THSD4: variants seen among roughly 807,000 people sequenced by gnomAD.
THSD4 encodes thrombospondin type 1 domain containing 4.
A neutral mutation model predicts 119.0 loss-of-function variants in THSD4; 69 were observed. The ratio of observed to expected loss-of-function variants is 0.58; its 90% confidence interval spans 0.48 to 0.71. The LOEUF is 0.71. Among genes scored for constraint, THSD4 ranks in the 30% least tolerant of loss-of-function variants. The pLI is 0.00. For synonymous variants in THSD4, 524 were observed against 540.4 expected, an observed-to-expected ratio of 0.97 and a Z score of 0.42; for missense variants, 1,393 against 1,391.1, an observed-to-expected ratio of 1.00 and a Z score of -0.02.
chr15:71,471,250 G>A (rs2047574983), intron 7 of THSD4, among the ~76,000 whole-genome samples: 1 of 152,120 alleles, frequency 6.6e-6, no homozygotes, highest in African/African-American at 2.4e-5. Flanking sequence ...CCCTCTGCAT[G>A]CTAAGGTTCA....
chr15:71,568,448 G>C (rs763089528), intron 7 of THSD4, among the ~76,000 whole-genome samples: 1 of 151,954 alleles, frequency 6.6e-6, no homozygotes, highest in Non-Finnish European at 1.5e-5. Context: ...CCATGATTCT[G>C]TTTTGCTGAA....
chr15:71,405,205 A>G (rs141788729), intron 6 of THSD4, among the ~76,000 whole-genome samples: 111 of 152,338 alleles, frequency 7.3e-4, no homozygotes, highest in Middle Eastern at 3.4e-3. Context: ...GTTGTTTATA[A>G]ATGACATAAT....
intron 14 of THSD4, 102 bp downstream of exon 14, chr15:71,748,696 C>G: frequency 7.0e-7 from 1 of 1,425,726 alleles, no homozygotes; most frequent in Non-Finnish European, 9.4e-7. Context: ...AGACTGATTT[C>G]TGGCTCTGGG....
intron 7 of THSD4, among the ~76,000 whole-genome samples, chr15:71,524,084 T>C (rs371554065): frequency 5.9e-5 from 9 of 152,270 alleles, no homozygotes; most frequent in African/African-American, 2.2e-4. Flanking sequence ...GAACAAGTGG[T>C]CCACACACCT....
intron 6 of THSD4, among the ~76,000 whole-genome samples, chr15:71,337,002 CAGAG>C (rs1208161733): frequency 1.3e-5 from 2 of 152,054 alleles, no homozygotes; most frequent in East Asian, 1.9e-4. Flanking sequence ...TGGGCTAAAT[CAGAG>C]AGAGAGGGGA....
intron 7 of THSD4, among the ~76,000 whole-genome samples, chr15:71,503,406 C>G (rs1339158829): frequency 6.6e-6 from 1 of 152,118 alleles, no homozygotes; most frequent in Non-Finnish European, 1.5e-5. Flanking sequence ...TCCATCCTGG[C>G]TCAAGTCCAC....
chr15:71,689,908 CTT>C (rs1320885928), intron 8 of THSD4, among the ~76,000 whole-genome samples: 1 of 152,180 alleles, frequency 6.6e-6, no homozygotes, highest in Non-Finnish European at 1.5e-5. Context: ...TTAGAGCTGA[CTT>C]TTTCATGAGG....
chr15:71,428,822 A>G (rs1370392180), intron 7 of THSD4, among the ~76,000 whole-genome samples: 1 of 152,208 alleles, frequency 6.6e-6, no homozygotes, highest in African/African-American at 2.4e-5. Context: ...ATTTTTCTAC[A>G]TCTACAAGCC....
At chr15:71,443,824 T>G (rs2140564177) in intron 7 of THSD4, among the ~76,000 whole-genome samples, 1 of 152,370 alleles carries the variant, frequency 6.6e-6, no homozygotes, top group South Asian at 2.1e-4. Flanking sequence ...AAATAGAATT[T>G]CAAAACTAAA....
intron 7 of THSD4, among the ~76,000 whole-genome samples, chr15:71,471,728 T>TG (rs1467517071): frequency 6.6e-6 from 1 of 151,082 alleles, no homozygotes; most frequent in Non-Finnish European, 1.5e-5. Flanking sequence ...ATCTATCAAG[T>TG]GGGGGTCATA....
At chr15:71,670,033 C>T (rs1384648436) in intron 8 of THSD4, among the ~76,000 whole-genome samples, 4 of 152,218 alleles carry the variant, frequency 2.6e-5, no homozygotes, top group African/African-American at 4.8e-5. Flanking sequence ...GGCTTCTCTT[C>T]AGCTCCACTG....
chr15:71,408,293 T>C (rs751595411), intron 6 of THSD4, among the ~76,000 whole-genome samples: 1 of 152,166 alleles, frequency 6.6e-6, no homozygotes, highest in Non-Finnish European at 1.5e-5. Context: ...AGTGCAGTCG[T>C]ACAGTCACAA....
At chr15:71,140,643 C>T (rs915063751) in intron 1 of THSD4, among the ~76,000 whole-genome samples, 3 of 152,218 alleles carry the variant, frequency 2.0e-5, no homozygotes, top group Non-Finnish European at 4.4e-5. Context: ...TGCGTTCCCT[C>T]ATTTAATCTT....
At chr15:71,727,209 G>A (rs895850808) in intron 8 of THSD4, among the ~76,000 whole-genome samples, 7 of 151,992 alleles carry the variant, frequency 4.6e-5, no homozygotes, top group African/African-American at 1.7e-4. Context: ...TATAACATCT[G>A]CTGTGCAATG....
At position 71,202,884 on chromosome 15, in the gene THSD4, C is replaced by T. The variant is rs953302158; in HGVS notation, c.100-12151C>T. Among the ~76,000 whole-genome samples, 3 of 152,174 alleles carry T rather than the reference C, an allele frequency of 2.0e-5. No homozygotes were observed. The East Asian group carries it at 5.8e-4, about 29-fold the overall frequency. Reference sequence around the variant, plus strand: ...CAGCAGCGTAACCTTCAGCAGATTGCATCAGCCAGGTGACAGACTCTCTGT... The same window carrying T: ...CAGCAGCGTAACCTTCAGCAGATTGTATCAGCCAGGTGACAGACTCTCTGT... On this transcript the variant is annotated intron_variant, in intron 3 of 17. Coordinates refer to ENST00000261862, the MANE Select transcript of THSD4 (RefSeq NM_024817.3).
chr15:71,574,346 A>G (rs957115512), intron 7 of THSD4, among the ~76,000 whole-genome samples: 5 of 152,216 alleles, frequency 3.3e-5, no homozygotes, highest in Admixed American at 2.0e-4. Context: ...GACAAGCAAA[A>G]TGAGGCTTGG....
intron 3 of THSD4, among the ~76,000 whole-genome samples, chr15:71,203,755 G>A (rs1449105012): frequency 1.3e-5 from 2 of 152,224 alleles, no homozygotes; most frequent in African/African-American, 4.8e-5. Context: ...CAATCCATTT[G>A]CAGCCTCTTT....
chr15:71,544,847 A>G (rs888883113), intron 7 of THSD4, among the ~76,000 whole-genome samples: 1 of 152,246 alleles, frequency 6.6e-6, no homozygotes, highest in Non-Finnish European at 1.5e-5. Context: ...AAGTTTTGAT[A>G]CCTGTTACAG....
intron 1 of THSD4, among the ~76,000 whole-genome samples, chr15:71,125,752 G>A (rs1435686354): frequency 6.6e-6 from 1 of 152,252 alleles, no homozygotes; most frequent in Non-Finnish European, 1.5e-5. Context: ...GATTCCAACA[G>A]TAGGAAAGCC....
Sources: allele counts gnomAD v4.1 joint callset (sites outside exome capture counted in the v4.1 genomes callset), GRCh38; gene constraint gnomAD v4.1.1; transcripts MANE v1.5; gene names NCBI Gene and HGNC (gene_info 2026-07-23, HGNC 2026-07-21).